SH2D4B: variants seen among roughly 807,000 people sequenced by gnomAD.
SH2D4B encodes the protein SH2 domain-containing protein 4B.
In SH2D4B, 45 loss-of-function variants were observed where a neutral mutation model predicts 61.5. That is an observed-to-expected ratio of 0.73 (90% CI 0.58 to 0.94). The LOEUF is 0.94. SH2D4B is among the 40% of genes least tolerant of loss of function. The probability of loss-of-function intolerance (pLI) is 0.00; values close to 1 mark genes in which losing one functional copy is unlikely to be tolerated. For missense variants in SH2D4B, 572 were observed against 574.2 expected (o/e 1.00, Z 0.04); for synonymous variants, 224 against 220.4 (o/e 1.02, Z -0.14).
Position 80,621,268 on chromosome 10 carries a change from G to A in SH2D4B, c.988+11717G>A, listed in dbSNP as rs140860019. Among the ~76,000 whole-genome samples the A allele has an allele frequency of 2.9e-3, 440 of 152,290 alleles. 1 individual carries two copies. Among genetic ancestry groups the A allele is most frequent in the Non-Finnish European group, 4.8e-3 (325 of 68,028 alleles). ...TGCTAAACATCCTGCAGTGCACAAG[G>A]CAGCCCCGCCGGACAGGCAAAATGT... On this transcript the variant is annotated intron_variant, in intron 6 of 7. Transcript: ENST00000646907.
At chr10:80,588,250 G>C (rs1169474444) in intron 3 of SH2D4B, among the ~76,000 whole-genome samples, 1 of 152,182 alleles carries the variant, frequency 6.6e-6, no homozygotes, top group Non-Finnish European at 1.5e-5. Flanking sequence ...TAAGAAAACA[G>C]AAACTAGGGA....
chr10:80,615,922 G>A (rs1328725574), intron 6 of SH2D4B, among the ~76,000 whole-genome samples: 1 of 152,120 alleles, frequency 6.6e-6, no homozygotes, highest in African/African-American at 2.4e-5. Flanking sequence ...TTAGAACATG[G>A]TGTCATGCAA....
chr10:80,579,916 C>A (rs747205943), intron 3 of SH2D4B, among the ~76,000 whole-genome samples: 1 of 152,210 alleles, frequency 6.6e-6, no homozygotes, highest in East Asian at 1.9e-4. Flanking sequence ...CTGTCCCTCC[C>A]GGGGATCATC....
At chr10:80,548,034 G>A (rs1158321033) in intron 1 of SH2D4B, among the ~76,000 whole-genome samples, 1 of 152,178 alleles carries the variant, frequency 6.6e-6, no homozygotes, top group Non-Finnish European at 1.5e-5. Context: ...TCACCTGTAG[G>A]TAGGTACCCC....
At chr10:80,590,158 C>G (rs78561551) in intron 4 of SH2D4B, among the ~76,000 whole-genome samples, 5,208 of 152,132 alleles carry the variant, frequency 0.034, 350 homozygotes, top group East Asian at 0.31. Flanking sequence ...TTGTGATTTC[C>G]TGGGGAAAGG....
intron 6 of SH2D4B, among the ~76,000 whole-genome samples, chr10:80,633,106 G>A (rs1842850698): frequency 6.6e-6 from 1 of 151,834 alleles, no homozygotes; most frequent in African/African-American, 2.4e-5. Context: ...AGTGATGGGA[G>A]GGGAGCCTGA....
chr10:80,549,244 T>A (rs866615269), intron 1 of SH2D4B, among the ~76,000 whole-genome samples: 9 of 151,346 alleles, frequency 5.9e-5, no homozygotes, highest in East Asian at 1.9e-4. Context: ...TGTGTGTGTG[T>A]GAGTTTGGCA....
intron 5 of SH2D4B, among the ~76,000 whole-genome samples, chr10:80,607,920 A>G (rs866707092): frequency 2.0e-5 from 3 of 152,224 alleles, no homozygotes; most frequent in South Asian, 4.2e-4. Context: ...ATTTTGAGAC[A>G]GAGTCTTGCT....
intron 6 of SH2D4B, among the ~76,000 whole-genome samples, chr10:80,610,997 C>G (rs1842591365): frequency 6.6e-6 from 1 of 151,708 alleles, no homozygotes; most frequent in South Asian, 2.1e-4. Flanking sequence ...ATGATGAAAG[C>G]TTGTCTCTAC....
At chr10:80,584,157 A>G (rs1048230868) in intron 3 of SH2D4B, among the ~76,000 whole-genome samples, 1 of 152,230 alleles carries the variant, frequency 6.6e-6, no homozygotes, top group Non-Finnish European at 1.5e-5. Flanking sequence ...AAGTGTCTCT[A>G]TGCATTCTTA....
chr10:80,608,032 G>A (rs1842540895), intron 5 of SH2D4B, among the ~76,000 whole-genome samples: 2 of 152,296 alleles, frequency 1.3e-5, no homozygotes, highest in Non-Finnish European at 2.9e-5. Flanking sequence ...GAGTAGCTGG[G>A]AATACAAGTG....
At chr10:80,574,827 A>G (rs532841541) in intron 3 of SH2D4B, among the ~76,000 whole-genome samples, 31 of 152,178 alleles carry the variant, frequency 2.0e-4, no homozygotes, top group African/African-American at 7.2e-4. Flanking sequence ...CAGCCTCTCA[A>G]GTAGCTGGGA....
At chr10:80,572,960 A>G (rs1431779765) in intron 3 of SH2D4B, among the ~76,000 whole-genome samples, 2 of 4,588 alleles carry the variant, frequency 4.4e-4, no homozygotes, top group African/African-American at 1.1e-3. Context: ...ATATATATAT[A>G]TATATATATA....
intron 4 of SH2D4B, among the ~76,000 whole-genome samples, chr10:80,597,694 A>G (rs1414530859): frequency 1.3e-5 from 2 of 152,118 alleles, no homozygotes; most frequent in Admixed American, 1.3e-4. Context: ...ATAAAATAAA[A>G]TAAAATACAC....
chr10:80,566,959 T>C (rs1382230127), intron 1 of SH2D4B, among the ~76,000 whole-genome samples: 2 of 152,204 alleles, frequency 1.3e-5, no homozygotes, highest in Non-Finnish European at 2.9e-5. Flanking sequence ...TATATATATC[T>C]GGAGAATTAC....
At chr10:80,608,105 T>C (rs1020381196) in intron 5 of SH2D4B, among the ~76,000 whole-genome samples, 1 of 152,210 alleles carries the variant, frequency 6.6e-6, no homozygotes, top group Non-Finnish European at 1.5e-5. Context: ...CCACAACTCC[T>C]GTGCTTTTGT....
chr10:80,567,901 T>A (rs1000634282), intron 1 of SH2D4B, among the ~76,000 whole-genome samples: 6 of 152,210 alleles, frequency 3.9e-5, no homozygotes, highest in African/African-American at 7.2e-5. Flanking sequence ...AAAGATTTTT[T>A]AATCCAGGCT....
intron 4 of SH2D4B, among the ~76,000 whole-genome samples, chr10:80,600,494 C>T (rs1006009701): frequency 2.0e-5 from 3 of 147,966 alleles, no homozygotes; most frequent in African/African-American, 7.6e-5. Context: ...TTGGTGGGAG[C>T]GTGGTGGAGC....
rs142218439 is a variant in SH2D4B, at chr10:80,540,504, T to C, written c.184+1989T>C. Among the ~76,000 whole-genome samples the C allele has an allele frequency of 2.6e-5, 4 of 152,272 alleles. No homozygotes were observed. The East Asian group carries it at 5.8e-4, about 22-fold the overall frequency. ...TGGCAGGGCAAGCTCCCTGATTTCA[T>C]TGCAGATAAGGAAGGTGAGGCTCAG... On this transcript the variant is annotated intron_variant, in intron 1 of 7. Coordinates refer to ENST00000646907, the MANE Select transcript of SH2D4B (RefSeq NM_001388272.1).
Sources: allele counts gnomAD v4.1 joint callset (sites outside exome capture counted in the v4.1 genomes callset), GRCh38; gene constraint gnomAD v4.1.1; transcripts MANE v1.5; gene names NCBI Gene and HGNC (gene_info 2026-07-23, HGNC 2026-07-21).